Variants in B3GALT1 observed in about 807,000 individuals in gnomAD.
The protein encoded by B3GALT1 is beta-1,3-galactosyltransferase 1.
In B3GALT1, 10 loss-of-function variants were observed where a neutral mutation model predicts 23.2. The observed-to-expected ratio is 0.43, with a 90% CI of 0.27 to 0.73. The LOEUF (loss-of-function observed/expected upper bound fraction) is 0.73, where lower values mean the gene tolerates loss of function less well. Ranked by LOEUF, B3GALT1 falls within the 30% of genes least tolerant of loss-of-function variation. The probability of loss-of-function intolerance (pLI) is 0.21; values close to 1 mark genes in which losing one functional copy is unlikely to be tolerated. For synonymous variants in B3GALT1, 156 were observed against 141.5 expected (o/e 1.10, Z -0.73); for missense variants, 299 against 405.4 (o/e 0.74, Z 2.25).
At chr2:167,673,392 G>C (rs1050829559) in intron 3 of B3GALT1, among the ~76,000 whole-genome samples, 3 of 152,042 alleles carry the variant, frequency 2.0e-5, no homozygotes, top group Non-Finnish European at 4.4e-5. Flanking sequence ...AGAAAAGGCA[G>C]AAAATAATTA....
At chr2:167,620,142 T>G (rs1236080986) in intron 2 of B3GALT1, among the ~76,000 whole-genome samples, 3 of 152,086 alleles carry the variant, frequency 2.0e-5, no homozygotes, top group Non-Finnish European at 4.4e-5. Context: ...CAGTTTGTGT[T>G]ACATGTGTGT....
At chr2:167,772,143 C>A (rs907411234) in intron 3 of B3GALT1, among the ~76,000 whole-genome samples, 1 of 152,124 alleles carries the variant, frequency 6.6e-6, no homozygotes, top group African/African-American at 2.4e-5. Flanking sequence ...TAAACTATCA[C>A]GTGCCTAATT....
chr2:167,457,940 C>A (rs1037315560), intron 1 of B3GALT1, among the ~76,000 whole-genome samples: 5 of 152,166 alleles, frequency 3.3e-5, no homozygotes, highest in Non-Finnish European at 7.3e-5. Flanking sequence ...TGTTTCTCTT[C>A]TATTTTCTAT....
At chr2:167,775,687 C>G (rs536266108) in intron 3 of B3GALT1, among the ~76,000 whole-genome samples, 3 of 151,874 alleles carry the variant, frequency 2.0e-5, no homozygotes, top group African/African-American at 7.3e-5. Flanking sequence ...AGTATACACA[C>G]ACACACACAC....
intron 3 of B3GALT1, among the ~76,000 whole-genome samples, chr2:167,728,112 T>C (rs1370586800): frequency 6.6e-6 from 1 of 152,164 alleles, no homozygotes; most frequent in Non-Finnish European, 1.5e-5. Context: ...CCAGGCCGGG[T>C]ATGGTGGCTC....
intron 2 of B3GALT1, among the ~76,000 whole-genome samples, chr2:167,531,380 C>G (rs1432622254): frequency 6.6e-6 from 1 of 152,032 alleles, no homozygotes; most frequent in East Asian, 1.9e-4. Context: ...ATAATGTAGT[C>G]TTTTCTTTTT....
chr2:167,613,214 T>G (rs1387222957), intron 2 of B3GALT1, among the ~76,000 whole-genome samples: 1 of 151,834 alleles, frequency 6.6e-6, no homozygotes, highest in East Asian at 1.9e-4. Context: ...TGAAAAAAAG[T>G]TTTAATGTTA....
chr2:167,706,917 A>G (rs1004339939), intron 3 of B3GALT1, among the ~76,000 whole-genome samples: 10 of 152,240 alleles, frequency 6.6e-5, no homozygotes, highest in Non-Finnish European at 1.5e-4. Flanking sequence ...AAGTGAAAGT[A>G]TATTACTTCC....
At chr2:167,740,785 A>G (rs1340623226) in intron 3 of B3GALT1, among the ~76,000 whole-genome samples, 1 of 152,196 alleles carries the variant, frequency 6.6e-6, no homozygotes, top group Admixed American at 6.5e-5. Flanking sequence ...ATTTTGTTCA[A>G]TATATCATCA....
At chr2:167,380,897 G>C (rs1436926102) in intron 1 of B3GALT1, among the ~76,000 whole-genome samples, 1 of 152,054 alleles carries the variant, frequency 6.6e-6, no homozygotes, top group African/African-American at 2.4e-5. Context: ...TCTGGGATCT[G>C]GGGTGTCTTT....
chr2:167,818,069 A>ATGT (rs1558989737), intron 3 of B3GALT1, among the ~76,000 whole-genome samples: 1 of 152,188 alleles, frequency 6.6e-6, no homozygotes, highest in African/African-American at 2.4e-5. Flanking sequence ...GAAAGTTAAG[A>ATGT]TGTTGCAGAA....
intron 1 of B3GALT1, among the ~76,000 whole-genome samples, chr2:167,345,680 A>C (rs1239849194): frequency 2.0e-5 from 3 of 152,100 alleles, no homozygotes; most frequent in African/African-American, 7.2e-5. Context: ...TTATGTCAGT[A>C]GGTGAAAATA....
In B3GALT1 at chr2:167,534,046, CT is replaced by C. The variant is rs1214193044; in HGVS notation, c.-410+43770del. Among the ~76,000 whole-genome samples, 4 of 152,094 alleles carry C rather than the reference CT, an allele frequency of 2.6e-5. No individual in the cohort carries two copies. In the East Asian group the frequency reaches 7.7e-4, roughly 29 times the overall value. ...TTTTGGTAATTTGCCTTTATTCTGACTGATATTAATGTGTTTTCTTTGTCTC... is the reference window on the plus strand; with the variant it reads ...TTTTGGTAATTTGCCTTTATTCTGACGATATTAATGTGTTTTCTTTGTCTC... On this transcript the variant is annotated intron_variant, in intron 2 of 4. Coordinates refer to ENST00000392690, the MANE Select transcript of B3GALT1 (RefSeq NM_020981.4).
intron 1 of B3GALT1, among the ~76,000 whole-genome samples, chr2:167,298,856 AT>A (rs112367069): frequency 7.9e-4 from 119 of 149,960 alleles, no homozygotes; most frequent in South Asian, 3.2e-3. Flanking sequence ...AAGCTACTGC[AT>A]TTTTTTTTTA....
intron 1 of B3GALT1, among the ~76,000 whole-genome samples, chr2:167,380,188 C>T (rs997461799): frequency 3.3e-5 from 5 of 152,136 alleles, no homozygotes; most frequent in African/African-American, 1.2e-4. Context: ...AGGTTCTCTG[C>T]ACAGAAGGAT....
At chr2:167,689,076 A>G (rs976337388) in intron 3 of B3GALT1, among the ~76,000 whole-genome samples, 1 of 151,868 alleles carries the variant, frequency 6.6e-6, no homozygotes, top group Non-Finnish European at 1.5e-5. Flanking sequence ...GCTGTTTTCA[A>G]TTGAAAATAA....
intron 1 of B3GALT1, among the ~76,000 whole-genome samples, chr2:167,348,690 G>A (rs1186325195): frequency 6.6e-6 from 1 of 151,898 alleles, no homozygotes; most frequent in Non-Finnish European, 1.5e-5. Context: ...CAGGATGTAA[G>A]GCATTTTCAC....
intron 2 of B3GALT1, among the ~76,000 whole-genome samples, chr2:167,537,354 G>C (rs1212433500): frequency 1.3e-5 from 2 of 152,070 alleles, no homozygotes; most frequent in East Asian, 3.9e-4. Context: ...TGAGATTTGG[G>C]TGGGGACACA....
At chr2:167,515,032 A>T (rs1288456320) in intron 2 of B3GALT1, among the ~76,000 whole-genome samples, 3 of 152,148 alleles carry the variant, frequency 2.0e-5, no homozygotes, top group Non-Finnish European at 4.4e-5. Flanking sequence ...TTAGTAAAAA[A>T]TTGAGTATAA....
Sources: gnomAD v4.1 joint callset for allele counts (sites outside exome capture counted in the v4.1 genomes callset) on GRCh38, gnomAD v4.1.1 for gene constraint, MANE v1.5 for transcripts, NCBI Gene and HGNC (gene_info 2026-07-23, HGNC 2026-07-21) for gene names.